MCU: variants seen among roughly 807,000 people sequenced by gnomAD.
MCU encodes calcium uniporter protein, mitochondrial.
A neutral mutation model predicts 45.2 loss-of-function variants in MCU; 12 were observed. That is an observed-to-expected ratio of 0.27 (90% CI 0.17 to 0.43). The LOEUF (loss-of-function observed/expected upper bound fraction) is 0.43, where lower values mean the gene tolerates loss of function less well. Among genes scored for constraint, MCU ranks in the 20% least tolerant of loss-of-function variants. The probability of loss-of-function intolerance (pLI) is 1.00; values close to 1 mark genes in which losing one functional copy is unlikely to be tolerated. For synonymous variants in MCU, 160 were observed against 165.1 expected, an observed-to-expected ratio of 0.97 and a Z score of 0.24; for missense variants, 324 against 436.7, an observed-to-expected ratio of 0.74 and a Z score of 2.30.
intron 1 of MCU, among the ~76,000 whole-genome samples, chr10:72,723,126 G>A (rs189633239): frequency 6.6e-6 from 1 of 152,286 alleles, no homozygotes; most frequent in African/African-American, 2.4e-5. Context: ...AACCCAGGAG[G>A]CGGAGCTTGC....
chr10:72,876,740 G>A (rs1845620866), intron 6 of MCU, among the ~76,000 whole-genome samples: 1 of 152,106 alleles, frequency 6.6e-6, no homozygotes, highest in South Asian at 2.1e-4. Flanking sequence ...ATTCCAAGAA[G>A]AGGTGGCATT....
chr10:72,858,710 C>T (rs1243051024), intron 2 of MCU, among the ~76,000 whole-genome samples: 2 of 152,176 alleles, frequency 1.3e-5, no homozygotes, highest in African/African-American at 2.4e-5. Context: ...GGATATAATA[C>T]TGTACTATAT....
At position 72,768,447 on chromosome 10, in the gene MCU, G is replaced by A. The variant is rs533081160; in HGVS notation, c.151-65912G>A. 2.6e-5 allele frequency among the ~76,000 whole-genome samples: 4 copies of A among 152,090 alleles called. No homozygotes were observed. In the South Asian group the frequency reaches 8.3e-4, roughly 32 times the overall value. On this transcript the variant is annotated intron_variant, in intron 1 of 7. Transcript: ENST00000373053. Reference sequence around the variant, plus strand: ...TAGAATTCCAGTAAATTAGAATTAGGCAAATCAGTCTTGAACACTATGCTA... The same window carrying A: ...TAGAATTCCAGTAAATTAGAATTAGACAAATCAGTCTTGAACACTATGCTA...
chr10:72,710,028 T>A (rs994429832), intron 1 of MCU, among the ~76,000 whole-genome samples: 2 of 152,192 alleles, frequency 1.3e-5, no homozygotes, highest in Non-Finnish European at 2.9e-5. Flanking sequence ...CAGGCTGGAG[T>A]GCAGTGGTGC....
At chr10:72,717,846 A>G (rs912885847) in intron 1 of MCU, among the ~76,000 whole-genome samples, 3 of 152,174 alleles carry the variant, frequency 2.0e-5, no homozygotes, top group African/African-American at 7.2e-5. Context: ...TCTGTAGATT[A>G]TGTTGCAGAG....
At chr10:72,752,371 C>T (rs923677668) in intron 1 of MCU, among the ~76,000 whole-genome samples, 4 of 152,074 alleles carry the variant, frequency 2.6e-5, no homozygotes, top group South Asian at 2.1e-4. Flanking sequence ...GCTGGGATTA[C>T]AGGCATGAGG....
intron 1 of MCU, among the ~76,000 whole-genome samples, chr10:72,698,662 G>A (rs892714555): frequency 7.2e-5 from 11 of 152,094 alleles, no homozygotes; most frequent in East Asian, 1.9e-4. Flanking sequence ...GCGCCACCAC[G>A]CCCAGCCAAT....
intron 1 of MCU, among the ~76,000 whole-genome samples, chr10:72,734,342 A>G (rs1843221796): frequency 6.6e-6 from 1 of 152,208 alleles, no homozygotes; most frequent in Non-Finnish European, 1.5e-5. Flanking sequence ...AGTCCAAACT[A>G]CTATGTACTG....
chr10:72,714,692 G>T (rs925169147), intron 1 of MCU, among the ~76,000 whole-genome samples: 1 of 151,986 alleles, frequency 6.6e-6, no homozygotes, highest in Non-Finnish European at 1.5e-5. Context: ...TTACAGGCAT[G>T]CAACACCACG....
intron 1 of MCU, among the ~76,000 whole-genome samples, chr10:72,743,412 C>CA (rs374429962): frequency 0.58 from 42,896 of 74,372 alleles, 13,555 homozygotes; most frequent in East Asian, 0.91. Context: ...TACTCCATCT[C>CA]AAAAAAAAAA....
At chr10:72,782,115 A>T (rs1348446306) in intron 1 of MCU, among the ~76,000 whole-genome samples, 1 of 152,140 alleles carries the variant, frequency 6.6e-6, no homozygotes, top group African/African-American at 2.4e-5. Context: ...CATGACACAC[A>T]TTCAGATGAG....
chr10:72,870,472 C>T (rs1390771683), intron 5 of MCU, among the ~76,000 whole-genome samples: 4 of 151,898 alleles, frequency 2.6e-5, no homozygotes, highest in Admixed American at 1.3e-4. Flanking sequence ...TTAGTAGAGA[C>T]GGGATTTCAC....
At chr10:72,848,024 T>A (rs1845147507) in intron 2 of MCU, among the ~76,000 whole-genome samples, 1 of 152,166 alleles carries the variant, frequency 6.6e-6, no homozygotes, top group Non-Finnish European at 1.5e-5. Flanking sequence ...GTACACATCA[T>A]CACTTCAGCT....
intron 2 of MCU, among the ~76,000 whole-genome samples, chr10:72,846,251 C>T (rs922898437): frequency 3.3e-5 from 5 of 152,156 alleles, no homozygotes; most frequent in African/African-American, 1.2e-4. Flanking sequence ...CCATGTTGGC[C>T]AGGCTGGTCT....
intron 1 of MCU, among the ~76,000 whole-genome samples, chr10:72,701,280 C>G (rs768536726): frequency 6.6e-6 from 1 of 152,132 alleles, no homozygotes. Context: ...TTTACTATAA[C>G]CCTATGAGAG....
At chr10:72,881,035 T>C (rs1009827589) in intron 6 of MCU, among the ~76,000 whole-genome samples, 2 of 151,954 alleles carry the variant, frequency 1.3e-5, no homozygotes, top group East Asian at 1.9e-4. Flanking sequence ...GAAGCCAAGG[T>C]AGGAGGATTG....
At chr10:72,759,127 A>C (rs957902783) in intron 1 of MCU, among the ~76,000 whole-genome samples, 2 of 152,108 alleles carry the variant, frequency 1.3e-5, no homozygotes, top group African/African-American at 4.8e-5. Context: ...TCAAACACCA[A>C]CTTAAAGAGG....
intron 1 of MCU, among the ~76,000 whole-genome samples, chr10:72,722,521 CTT>C (rs61668864): frequency 1.6e-4 from 22 of 139,534 alleles, no homozygotes; most frequent in African/African-American, 2.1e-4. Context: ...TTCTTTCTTT[CTT>C]TTTTTTTTTT....
At chr10:72,849,203 C>T (rs1042228310) in intron 2 of MCU, among the ~76,000 whole-genome samples, 1 of 150,880 alleles carries the variant, frequency 6.6e-6, no homozygotes, top group African/African-American at 2.4e-5. Context: ...ATCGCTTGAG[C>T]CTGGGAGGCG....
Sources: gnomAD v4.1 joint callset for allele counts (sites outside exome capture counted in the v4.1 genomes callset) on GRCh38, gnomAD v4.1.1 for gene constraint, MANE v1.5 for transcripts, NCBI Gene and HGNC (gene_info 2026-07-23, HGNC 2026-07-21) for gene names.